TEAD4: variants seen among roughly 807,000 people sequenced by gnomAD.
TEAD4 encodes the protein TEA domain transcription factor 4.
A neutral mutation model predicts 52.4 loss-of-function variants in TEAD4; 36 were observed. That is an observed-to-expected ratio of 0.69 (90% CI 0.53 to 0.91). The LOEUF (loss-of-function observed/expected upper bound fraction) is 0.91. Among genes scored for constraint, TEAD4 ranks in the 40% least tolerant of loss-of-function variants. The pLI, the probability that TEAD4 is intolerant of heterozygous loss-of-function variation, is 0.00. For missense variants in TEAD4, 508 were observed against 583.9 expected, an observed-to-expected ratio of 0.87 and a Z score of 1.34; for synonymous variants, 220 against 231.0, an observed-to-expected ratio of 0.95 and a Z score of 0.43.
chr12:3,037,826 C>G, intron 10 of TEAD4, 142 bp from the exon 11 acceptor site: 2 of 983,790 alleles, frequency 2.0e-6, no homozygotes, highest in South Asian at 3.9e-5. Context: ...AATGTGGAAG[C>G]TTTCTGGCGT....
intron 5 of TEAD4, among the ~76,000 whole-genome samples, chr12:3,013,397 C>G (rs1447952423): frequency 6.6e-6 from 1 of 152,022 alleles, no homozygotes; most frequent in Admixed American, 6.6e-5. Flanking sequence ...CGCATCCTTT[C>G]CCACCCCATG....
At chr12:2,960,225 G>C in intron 2 of TEAD4, 185 bp downstream of exon 2, 1 of 943,224 alleles carries the variant, frequency 1.1e-6, no homozygotes, top group Non-Finnish European at 1.3e-6. Context: ...CGGGACTTTG[G>C]GGGAAAGGGA....
At chr12:2,964,640 T>TTG (rs2098218738) in intron 2 of TEAD4, among the ~76,000 whole-genome samples, 1 of 150,754 alleles carries the variant, frequency 6.6e-6, no homozygotes, top group Non-Finnish European at 1.5e-5. Flanking sequence ...TTTTTTTTTT[T>TTG]TTTGTATTTT....
chr12:3,023,492 G>A (rs965897790), intron 10 of TEAD4, among the ~76,000 whole-genome samples: 1 of 152,020 alleles, frequency 6.6e-6, no homozygotes, highest in African/African-American at 2.4e-5. Flanking sequence ...CTTATTTAAC[G>A]AAAGAGAATG....
At chr12:3,010,484 A>G (rs1433208883) in intron 3 of TEAD4, among the ~76,000 whole-genome samples, 1 of 152,214 alleles carries the variant, frequency 6.6e-6, no homozygotes, top group Non-Finnish European at 1.5e-5. Flanking sequence ...CTCCAGGGAC[A>G]CTAAGTGTCT....
At chr12:3,019,013 C>A in intron 7 of TEAD4, 102 bp from the exon 8 acceptor site, 2 of 1,445,740 alleles carry the variant, frequency 1.4e-6, no homozygotes, top group Non-Finnish European at 1.9e-6. Context: ...CCACTGAAAT[C>A]CAGACCACCA....
chr12:3,033,502 C>T (rs752041520), intron 10 of TEAD4, among the ~76,000 whole-genome samples: 6 of 152,220 alleles, frequency 3.9e-5, no homozygotes, highest in Non-Finnish European at 7.4e-5. Flanking sequence ...CCAGGCAGAG[C>T]CGGGCTGCAC....
chr12:3,008,187 C>T (rs1352989633), intron 3 of TEAD4, among the ~76,000 whole-genome samples: 1 of 151,996 alleles, frequency 6.6e-6, no homozygotes, highest in Non-Finnish European at 1.5e-5. Flanking sequence ...CAGTGGGTGC[C>T]AGGGTGGGCG....
chr12:3,021,706 A>G lies in TEAD4; in HGVS notation c.724-138A>G, dbSNP rs928553139. On this transcript the variant is annotated intron_variant, in intron 9 of 12. Coordinates refer to ENST00000359864, the MANE Select transcript of TEAD4 (RefSeq NM_003213.4). ...AAAGGAGTAGACTTTTACCATCTCT[A>G]TTTTACTCATGGGGAAACTATGGCC... The G allele has an allele frequency of 6.5e-5, 52 of 796,166 alleles. No homozygotes were observed. The East Asian group carries it at 1.2e-3, about 18-fold the overall frequency. The allele number at this position is 796,166 out of a possible 1,614,324, so 49.3% of individuals were successfully genotyped here. A position where few individuals can be genotyped will look rare whatever the true frequency, so the allele number is the denominator to read the frequency against.
At chr12:2,981,878 A>C (rs1170675555) in intron 2 of TEAD4, among the ~76,000 whole-genome samples, 2 of 152,080 alleles carry the variant, frequency 1.3e-5, no homozygotes, top group Non-Finnish European at 2.9e-5. Flanking sequence ...TAAAATGAAG[A>C]GACTTCTCCA....
chr12:2,985,120 C>T (rs1280251789), intron 2 of TEAD4, among the ~76,000 whole-genome samples: 3 of 152,186 alleles, frequency 2.0e-5, no homozygotes, highest in Admixed American at 2.0e-4. Flanking sequence ...GCAAACACCT[C>T]ACGCCTGTAA....
intron 3 of TEAD4, among the ~76,000 whole-genome samples, chr12:2,998,013 C>T (rs983485766): frequency 2.6e-5 from 4 of 152,156 alleles, no homozygotes; most frequent in Non-Finnish European, 2.9e-5. Context: ...TCCCCGCCCT[C>T]CAGCCCTGGC....
At chr12:2,984,722 A>G (rs2098236718) in intron 2 of TEAD4, among the ~76,000 whole-genome samples, 1 of 152,210 alleles carries the variant, frequency 6.6e-6, no homozygotes, top group Non-Finnish European at 1.5e-5. Context: ...GGCAACTATA[A>G]CACAGTGGTA....
chr12:3,034,820 G>A (rs1286361887), intron 10 of TEAD4, among the ~76,000 whole-genome samples: 5 of 152,068 alleles, frequency 3.3e-5, no homozygotes, highest in African/African-American at 7.2e-5. Flanking sequence ...TAGGCCAGAC[G>A]CGGTGGCTCA....
chr12:2,970,557 G>A lies in TEAD4; in HGVS notation c.-30+10517G>A, dbSNP rs141907071. Among the ~76,000 whole-genome samples the A allele has an allele frequency of 3.5e-3, 530 of 152,336 alleles. 3 individuals are homozygous for A. The highest frequency in any genetic ancestry group is 3.5e-3 in the Non-Finnish European group (235 of 68,022). The stretch of plus-strand genomic sequence containing the variant: ...TGGAATTTGTAAGAGGTAGGGGGTC[G>A]ATGATGTGTGTGGAAAAACCCAATC... On this transcript the variant is annotated intron_variant, in intron 2 of 12. Transcript: ENST00000359864.
chr12:3,020,915 CCA>C (rs1454293586), intron 9 of TEAD4, 142 bp downstream of exon 9: 1 of 903,330 alleles, frequency 1.1e-6, no homozygotes, highest in Non-Finnish European at 1.5e-6. Context: ...GCCCTTCCCC[CCA>C]CTCCTCCTTT....
At chr12:2,979,236 A>G (rs2098232279) in intron 2 of TEAD4, among the ~76,000 whole-genome samples, 1 of 152,128 alleles carries the variant, frequency 6.6e-6, no homozygotes, top group African/African-American at 2.4e-5. Flanking sequence ...TTAAGGTCGA[A>G]TCATCCTCCA....
At chr12:2,977,560 C>T (rs915697100) in intron 2 of TEAD4, among the ~76,000 whole-genome samples, 3 of 152,202 alleles carry the variant, frequency 2.0e-5, no homozygotes, top group Non-Finnish European at 4.4e-5. Context: ...AGGGGCTTTA[C>T]TTGCTTTTCT....
chr12:2,985,335 A>G lies in TEAD4; in HGVS notation c.-29-9403A>G, dbSNP rs367599529. On this transcript the variant is annotated intron_variant, in intron 2 of 12. Coordinates refer to ENST00000359864, the MANE Select transcript of TEAD4 (RefSeq NM_003213.4). ...GGGAGGTGGAGCTTGCAGTGAGCCG[A>G]GATTGCGCCACTGTACTCCAGCCTG... is the stretch of plus-strand genomic sequence containing the variant. 1.2e-4 allele frequency among the ~76,000 whole-genome samples: 18 copies of G among 151,712 alleles called. No individual in the cohort carries two copies. The East Asian group carries it at 1.2e-3, about 10-fold the overall frequency.
Sources: gnomAD v4.1 joint callset for allele counts (sites outside exome capture counted in the v4.1 genomes callset) on GRCh38, gnomAD v4.1.1 for gene constraint, MANE v1.5 for transcripts, NCBI Gene and HGNC (gene_info 2026-07-23, HGNC 2026-07-21) for gene names.